TIAM1: variants seen among roughly 807,000 people sequenced by gnomAD.
TIAM1 encodes the protein TIAM Rac1 associated GEF 1.
A neutral mutation model predicts 163.5 loss-of-function variants in TIAM1; 65 were observed. The observed-to-expected ratio is 0.40, with a 90% CI of 0.33 to 0.49. The LOEUF (loss-of-function observed/expected upper bound fraction) is 0.49, where lower values mean the gene tolerates loss of function less well. TIAM1 is among the 20% of genes least tolerant of loss of function. TIAM1 has a pLI of 0.77. For synonymous variants in TIAM1, 833 were observed against 810.1 expected (o/e 1.03, Z -0.48); for missense variants, 1,789 against 2,044.7 (o/e 0.87, Z 2.41).
intron 4 of TIAM1, among the ~76,000 whole-genome samples, chr21:31,255,342 A>G (rs1255546539): frequency 6.6e-6 from 1 of 152,158 alleles, no homozygotes; most frequent in Non-Finnish European, 1.5e-5. Context: ...GCCCAGCCCC[A>G]GCCCTTATTC....
At position 31,402,410 on chromosome 21, in the gene TIAM1, C is replaced by T. The variant is rs544010104; in HGVS notation, c.-369+61573G>A. Among the ~76,000 whole-genome samples the T allele has an allele frequency of 7.2e-5, 11 of 152,192 alleles. No individual in the cohort carries two copies. In the South Asian group the frequency reaches 2.3e-3, roughly 32 times the overall value. ...AAGTAGGAACAAGAAAATGGCAAAACCTTGCAGAGAAAAGCAAAAATTGAC... is the reference window on the plus strand; with the variant it reads ...AAGTAGGAACAAGAAAATGGCAAAATCTTGCAGAGAAAAGCAAAAATTGAC... On this transcript the variant is annotated intron_variant, in intron 2 of 28. Transcript: ENST00000286827.
chr21:31,371,600 T>C (rs931571839), intron 2 of TIAM1, among the ~76,000 whole-genome samples: 4 of 152,208 alleles, frequency 2.6e-5, no homozygotes, highest in African/African-American at 7.2e-5. Context: ...TAGAAAAAGA[T>C]AGATTTTCAA....
In TIAM1 at chr21:31,121,953, G is replaced by A. The variant is rs56182824; in HGVS notation, c.4307-1116C>T. Among the ~76,000 whole-genome samples, 1,401 of 152,188 alleles carry A rather than the reference G, an allele frequency of 9.2e-3. 23 individuals carry two copies. Among genetic ancestry groups the A allele is most frequent in the African/African-American group, 0.032 (1,341 of 41,530 alleles). ...TCCAGTGGAGGGGAAGAGTCTCAAC[G>A]CCAACTGGGAGCTGCTTTCCTGAAA... On this transcript the variant is annotated intron_variant, in intron 27 of 27. Coordinates refer to ENST00000541036, the MANE Select transcript of TIAM1 (RefSeq NM_001353694.2).
chr21:31,535,096 A>C (rs970463422), intron 1 of TIAM1, among the ~76,000 whole-genome samples: 3 of 151,240 alleles, frequency 2.0e-5, no homozygotes, highest in African/African-American at 7.3e-5. Flanking sequence ...TCTCAAAAAA[A>C]AAAAGGCTGA....
intron 6 of TIAM1, among the ~76,000 whole-genome samples, chr21:31,235,368 A>G (rs1435955182): frequency 1.3e-5 from 2 of 152,244 alleles, no homozygotes; most frequent in African/African-American, 4.8e-5. Context: ...TACTATTTAT[A>G]TGGTCATAAC....
At position 31,186,982 on chromosome 21, in the gene TIAM1, C is replaced by G; in HGVS notation, c.2662+19G>C. On this transcript the variant is annotated intron_variant, in intron 14 of 27. Transcript: ENST00000541036. ...AGGGCATTTAAGACAGACAGACCAG[C>G]CCTCCTTCACTGACTTACCTTTCTT... 2 of 1,610,472 alleles carry G rather than the reference C, an allele frequency of 1.2e-6. No homozygotes were observed. Among genetic ancestry groups the G allele is most frequent in the South Asian group, 1.1e-5 (1 of 90,994 alleles).
chr21:31,465,230 C>G (rs1395001342), intron 1 of TIAM1, among the ~76,000 whole-genome samples: 1 of 151,714 alleles, frequency 6.6e-6, no homozygotes, highest in East Asian at 1.9e-4. Flanking sequence ...CTTTTCAAAG[C>G]TAATATATTC....
chr21:31,410,795 G>T (rs1369582567), intron 2 of TIAM1, among the ~76,000 whole-genome samples: 1 of 152,074 alleles, frequency 6.6e-6, no homozygotes, highest in Non-Finnish European at 1.5e-5. Context: ...CAGAAAGGGA[G>T]AGTCTGAATC....
At chr21:31,430,839 T>A (rs1336229424) in intron 2 of TIAM1, among the ~76,000 whole-genome samples, 1 of 152,204 alleles carries the variant, frequency 6.6e-6, no homozygotes, top group Non-Finnish European at 1.5e-5. Context: ...AAAAAGCCTC[T>A]ATTTTTTGTA....
intron 2 of TIAM1, among the ~76,000 whole-genome samples, chr21:31,431,791 C>T (rs895762646): frequency 2.0e-5 from 3 of 152,156 alleles, no homozygotes; most frequent in South Asian, 4.1e-4. Flanking sequence ...CAATGGTATT[C>T]GTGTATCTAA....
intron 2 of TIAM1, among the ~76,000 whole-genome samples, chr21:31,451,760 T>TGTGTGTGTGTGTGTGTGTGA (rs1491328799): frequency 5.1e-5 from 7 of 138,216 alleles, no homozygotes; most frequent in African/African-American, 2.0e-4. Context: ...TGTGTGTGTG[T>TGTGTGTGTGTGTGTGTGTGA]GAGACACAGA....
At chr21:31,423,866 G>C (rs1230729095) in intron 2 of TIAM1, among the ~76,000 whole-genome samples, 2 of 121,802 alleles carry the variant, frequency 1.6e-5, no homozygotes, top group East Asian at 2.7e-4. Context: ...GGGGGGGCGG[G>C]GGGGGGGTCA....
At chr21:31,306,791 A>C (rs1048999719) in intron 2 of TIAM1, among the ~76,000 whole-genome samples, 7 of 152,192 alleles carry the variant, frequency 4.6e-5, no homozygotes, top group African/African-American at 1.7e-4. Context: ...TAAAGACACG[A>C]GACAATCACG....
chr21:31,291,821 C>T (rs1411300920), intron 2 of TIAM1, among the ~76,000 whole-genome samples: 1 of 152,230 alleles, frequency 6.6e-6, no homozygotes, highest in Non-Finnish European at 1.5e-5. Context: ...CCGTGCCCAG[C>T]CGAATTCCAT....
intron 20 of TIAM1, among the ~76,000 whole-genome samples, chr21:31,143,532 A>T (rs1568909054): frequency 6.6e-6 from 1 of 151,688 alleles, no homozygotes; most frequent in Non-Finnish European, 1.5e-5. Flanking sequence ...TTAATGATAT[A>T]TATTTTTTAT....
At chr21:31,331,067 C>T (rs1000659489) in intron 2 of TIAM1, among the ~76,000 whole-genome samples, 4 of 151,858 alleles carry the variant, frequency 2.6e-5, no homozygotes, top group South Asian at 2.1e-4. Flanking sequence ...TACCAGCCCA[C>T]GTGTTCTCTG....
rs758228210 is a variant in TIAM1 at position 31,184,102 on chromosome 21, TTTTTG to T, written c.2663-1462_2663-1458del. 5.8e-4 allele frequency among the ~76,000 whole-genome samples: 88 copies of T among 152,192 alleles called. 1 individual carries two copies. In the Middle Eastern group the frequency reaches 0.014, roughly 24 times the overall value. On this transcript the variant is annotated intron_variant, in intron 14 of 27. Coordinates refer to ENST00000541036, the MANE Select transcript of TIAM1 (RefSeq NM_001353694.2). ...GTCATGTGCTACCATGTCTGGCTAATTTTTGTTTTGTTTTGTTTTTGAGACGGGGT... is the reference window on the plus strand; with the variant it reads ...GTCATGTGCTACCATGTCTGGCTAATTTTTGTTTTGTTTTTGAGACGGGGT...
chr21:31,340,161 C>T (rs2075970894), intron 1 of TIAM1, among the ~76,000 whole-genome samples: 1 of 151,484 alleles, frequency 6.6e-6, no homozygotes, highest in Admixed American at 6.6e-5. Flanking sequence ...CTTTCCATCC[C>T]CAGTCCAGTC....
intron 3 of TIAM1, among the ~76,000 whole-genome samples, chr21:31,276,148 G>A (rs569597310): frequency 6.6e-6 from 1 of 152,028 alleles, no homozygotes; most frequent in South Asian, 2.1e-4. Flanking sequence ...GACGGTGTTG[G>A]GGGGTGGGGG....
Sources: gnomAD v4.1 joint callset for allele counts (sites outside exome capture counted in the v4.1 genomes callset) on GRCh38, gnomAD v4.1.1 for gene constraint, MANE v1.5 for transcripts, NCBI Gene and HGNC (gene_info 2026-07-23, HGNC 2026-07-21) for gene names.